The following RNF111 variants were observed in gnomAD, a reference collection of about 807,000 sequenced individuals.
RNF111 encodes the protein ring finger protein 111, also known as E3 ubiquitin-protein ligase Arkadia.
RNF111 carries 17 observed loss-of-function variants against 95.1 expected under a neutral mutation model. The observed-to-expected ratio is 0.18, with a 90% CI of 0.12 to 0.27. RNF111 has a LOEUF of 0.27. Among genes scored for constraint, RNF111 ranks in the 10% least tolerant of loss-of-function variants. The pLI, the probability that RNF111 is intolerant of heterozygous loss-of-function variation, is 1.00. For synonymous variants in RNF111, 440 were observed against 414.8 expected, an observed-to-expected ratio of 1.06 and a Z score of -0.74; for missense variants, 1,189 against 1,210.4, an observed-to-expected ratio of 0.98 and a Z score of 0.26.
At chr15:59,077,847 G>A (rs574579442) in intron 7 of RNF111, among the ~76,000 whole-genome samples, 7 of 152,178 alleles carry the variant, frequency 4.6e-5, no homozygotes, top group Non-Finnish European at 8.8e-5. Context: ...AATTTAAATT[G>A]TATTATTTTC....
chr15:58,991,375 C>T (rs1199756187), intron 1 of RNF111, among the ~76,000 whole-genome samples: 3 of 152,136 alleles, frequency 2.0e-5, no homozygotes, highest in African/African-American at 7.2e-5. Context: ...TACGTAGATA[C>T]ATTTATTGAA....
chr15:59,053,713 G>T (rs572661293), intron 3 of RNF111, among the ~76,000 whole-genome samples: 78 of 152,218 alleles, frequency 5.1e-4, no homozygotes, highest in African/African-American at 1.8e-3. Context: ...ATTTTTATGA[G>T]CTGTAAGGAC....
chr15:59,018,008 C>G (rs992325136), intron 1 of RNF111, among the ~76,000 whole-genome samples: 2 of 152,098 alleles, frequency 1.3e-5, no homozygotes, highest in African/African-American at 2.4e-5. Context: ...ACCCACCTGC[C>G]TCAGCCTCCC....
At chr15:58,996,649 CTTTT>C (rs60350601) in intron 1 of RNF111, among the ~76,000 whole-genome samples, 15 of 100,770 alleles carry the variant, frequency 1.5e-4, no homozygotes, top group African/African-American at 5.1e-4. Context: ...TCAGTACTTT[CTTTT>C]TTTTTTTTTT....
At chr15:59,052,254 C>T (rs752328473) in intron 2 of RNF111, 51 bp from the exon 3 acceptor site, 38 of 1,449,282 alleles carry the variant, frequency 2.6e-5, no homozygotes, top group Middle Eastern at 1.8e-4. Flanking sequence ...TTCTGCCTAA[C>T]GATTAGCTGA....
intron 1 of RNF111, among the ~76,000 whole-genome samples, chr15:59,004,901 G>A (rs2039470550): frequency 6.6e-6 from 1 of 152,200 alleles, no homozygotes; most frequent in Admixed American, 6.5e-5. Context: ...ATAGTAAGAT[G>A]CTCACATTCT....
intron 1 of RNF111, among the ~76,000 whole-genome samples, chr15:59,001,838 C>T (rs2039337374): frequency 6.6e-6 from 1 of 152,076 alleles, no homozygotes. Context: ...CCAAGACCCC[C>T]AGTAGATGCT....
At chr15:59,014,033 C>A (rs1389473531) in intron 1 of RNF111, among the ~76,000 whole-genome samples, 1 of 152,136 alleles carries the variant, frequency 6.6e-6, no homozygotes, top group African/African-American at 2.4e-5. Flanking sequence ...TTAGGCAATC[C>A]GCCTTCCATG....
At chr15:59,004,404 T>G (rs2039450171) in intron 1 of RNF111, among the ~76,000 whole-genome samples, 1 of 152,202 alleles carries the variant, frequency 6.6e-6, no homozygotes, top group African/African-American at 2.4e-5. Flanking sequence ...CACATTAGGA[T>G]TAAGGTTACT....
intron 5 of RNF111, among the ~76,000 whole-genome samples, chr15:59,066,331 C>T (rs113094872): frequency 1.4e-4 from 21 of 152,218 alleles, no homozygotes; most frequent in Middle Eastern, 3.4e-3. Flanking sequence ...CACTATCAGC[C>T]GGGGTGTGGT....
chr15:59,034,034 A>G (rs896528889), intron 2 of RNF111, among the ~76,000 whole-genome samples: 3 of 152,352 alleles, frequency 2.0e-5, no homozygotes, highest in South Asian at 2.1e-4. Flanking sequence ...TCTCTTCTTC[A>G]GATCCTCCAG....
chr15:59,033,357 TC>T (rs1436636955), intron 2 of RNF111, among the ~76,000 whole-genome samples: 1 of 152,200 alleles, frequency 6.6e-6, no homozygotes, highest in African/African-American at 2.4e-5. Context: ...TTGTTATTAA[TC>T]TTAGGCTTGG....
At position 58,988,032 on chromosome 15, in the gene RNF111, CG is replaced by C. The variant is rs2038640988; in HGVS notation, c.-54del. 1 of 148,658 alleles carries C rather than the reference CG, an allele frequency of 6.7e-6. No homozygotes were observed. 9.2% of individuals were successfully genotyped at this position (148,658 alleles called of 1,614,324 possible). On this transcript the variant is annotated 5_prime_UTR_variant, in exon 1 of 14. Transcript: ENST00000348370. ...TCTTCCTTCCTGGGTCAGTGATTCC[CG>C]GACCCTGGAAGAGAAGAGGGTGGCT... is the stretch of plus-strand genomic sequence containing the variant.
At chr15:59,035,444 A>C (rs1487482340) in intron 2 of RNF111, among the ~76,000 whole-genome samples, 2 of 152,200 alleles carry the variant, frequency 1.3e-5, no homozygotes, top group African/African-American at 4.8e-5. Flanking sequence ...AATTAGAAGC[A>C]AGTTAGTTCC....
intron 1 of RNF111, among the ~76,000 whole-genome samples, chr15:59,005,294 C>T (rs1275072867): frequency 6.6e-6 from 1 of 152,220 alleles, no homozygotes; most frequent in Non-Finnish European, 1.5e-5. Context: ...GCTGGGATTA[C>T]AGGCACGAGC....
At chr15:59,063,077 A>G (rs1183543563) in intron 5 of RNF111, among the ~76,000 whole-genome samples, 4 of 152,160 alleles carry the variant, frequency 2.6e-5, no homozygotes. Flanking sequence ...AATTGTCTCC[A>G]TGCTTGATGA....
chr15:59,037,206 T>C (rs1052816932), intron 2 of RNF111, among the ~76,000 whole-genome samples: 1 of 152,198 alleles, frequency 6.6e-6, no homozygotes, highest in African/African-American at 2.4e-5. Flanking sequence ...TAATTGGCTT[T>C]TAACTTTATT....
intron 7 of RNF111, 43 bp from the exon 8 acceptor site, chr15:59,080,893 T>C: frequency 7.0e-7 from 1 of 1,438,612 alleles, no homozygotes; most frequent in Non-Finnish European, 9.6e-7. Context: ...TATGTTCAAC[T>C]GCATGGTGCC....
At chr15:59,022,699 A>G (rs2040404187) in intron 1 of RNF111, among the ~76,000 whole-genome samples, 1 of 152,190 alleles carries the variant, frequency 6.6e-6, no homozygotes, top group Admixed American at 6.5e-5. Flanking sequence ...TCATTCTTCC[A>G]ATGTCTTTTA....
Sources: allele counts gnomAD v4.1 joint callset (sites outside exome capture counted in the v4.1 genomes callset), GRCh38; gene constraint gnomAD v4.1.1; transcripts MANE v1.5; gene names NCBI Gene and HGNC (gene_info 2026-07-23, HGNC 2026-07-21).